MDGA2: variants seen among roughly 807,000 people sequenced by gnomAD.
MDGA2 encodes MAM domain containing glycosylphosphatidylinositol anchor 2, also known as MAM domain-containing glycosylphosphatidylinositol anchor protein 2.
A neutral mutation model predicts 117.8 loss-of-function variants in MDGA2; 40 were observed. The observed-to-expected ratio is 0.34, with a 90% CI of 0.26 to 0.44. The LOEUF is 0.44. MDGA2 is among the 20% of genes least tolerant of loss of function. MDGA2 has a pLI of 1.00. For synonymous variants in MDGA2, 452 were observed against 439.0 expected, an observed-to-expected ratio of 1.03 and a Z score of -0.37; for missense variants, 1,123 against 1,250.6, an observed-to-expected ratio of 0.90 and a Z score of 1.54.
At chr14:47,304,507 A>G (rs1300492595) in intron 1 of MDGA2, among the ~76,000 whole-genome samples, 4 of 152,164 alleles carry the variant, frequency 2.6e-5, no homozygotes, top group African/African-American at 9.6e-5. Flanking sequence ...CATAAACTAG[A>G]TTAAGAATGT....
At chr14:47,597,885 A>ACAC (rs1566533977) in intron 1 of MDGA2, among the ~76,000 whole-genome samples, 76 of 136,412 alleles carry the variant, frequency 5.6e-4, no homozygotes, top group African/African-American at 1.9e-3. Flanking sequence ...CACACACACA[A>ACAC]AACACAGAGT....
At chr14:47,645,252 T>C (rs1897504658) in intron 1 of MDGA2, among the ~76,000 whole-genome samples, 1 of 145,512 alleles carries the variant, frequency 6.9e-6, no homozygotes, top group African/African-American at 2.5e-5. Flanking sequence ...ATTCAATCCT[T>C]TTTTTTTTTT....
At chr14:47,350,558 C>CGTGTGTGTGTGCACGCGTGTGT (rs1365341630) in intron 1 of MDGA2, among the ~76,000 whole-genome samples, 2 of 151,758 alleles carry the variant, frequency 1.3e-5, no homozygotes, top group Non-Finnish European at 2.9e-5. Flanking sequence ...TAACAGACAT[C>CGTGTGTGTGTGCACGCGTGTGT]GTGTGTGTGT....
At chr14:47,211,549 G>T (rs1318364694) in intron 3 of MDGA2, among the ~76,000 whole-genome samples, 1 of 152,150 alleles carries the variant, frequency 6.6e-6, no homozygotes, top group African/African-American at 2.4e-5. Flanking sequence ...TAAAGGTCCT[G>T]CAAGAAAGCC....
intron 5 of MDGA2, among the ~76,000 whole-genome samples, chr14:47,100,047 C>G (rs1358493596): frequency 6.6e-6 from 1 of 151,980 alleles, no homozygotes; most frequent in African/African-American, 2.4e-5. Context: ...TGATTGCATA[C>G]TGCAGAAATA....
intron 1 of MDGA2, among the ~76,000 whole-genome samples, chr14:47,529,023 T>TG (rs1415972669): frequency 6.6e-6 from 1 of 150,942 alleles, no homozygotes; most frequent in African/African-American, 2.4e-5. Flanking sequence ...TTTTTTGAGA[T>TG]GGAGTCTCCC....
At chr14:47,010,155 G>A (rs904694335) in intron 8 of MDGA2, among the ~76,000 whole-genome samples, 3 of 151,938 alleles carry the variant, frequency 2.0e-5, no homozygotes, top group Non-Finnish European at 4.4e-5. Context: ...GTATATTTCT[G>A]ACTTCCTGGA....
At chr14:46,965,023 A>C (rs1254831915) in intron 8 of MDGA2, among the ~76,000 whole-genome samples, 1 of 131,782 alleles carries the variant, frequency 7.6e-6, no homozygotes, top group Admixed American at 8.7e-5. Context: ...TCCCGGGTTC[A>C]CGCCATTCTC....
At chr14:46,942,949 GT>G (rs1217627032) in intron 9 of MDGA2, among the ~76,000 whole-genome samples, 2 of 151,738 alleles carry the variant, frequency 1.3e-5, no homozygotes, top group South Asian at 2.1e-4. Flanking sequence ...TAAAATATTA[GT>G]GTTTTTTATC....
chr14:47,048,338 A>G (rs1459572720), intron 7 of MDGA2, among the ~76,000 whole-genome samples: 1 of 152,132 alleles, frequency 6.6e-6, no homozygotes, highest in African/African-American at 2.4e-5. Flanking sequence ...ATTTTATAAA[A>G]GCATTGAAAA....
intron 1 of MDGA2, among the ~76,000 whole-genome samples, chr14:47,563,521 T>C (rs1431090250): frequency 6.6e-6 from 1 of 150,616 alleles, no homozygotes; most frequent in African/African-American, 2.4e-5. Context: ...AAAAAAATTT[T>C]TGTTGGTTTA....
intron 8 of MDGA2, among the ~76,000 whole-genome samples, chr14:47,003,709 C>G (rs889923069): frequency 6.6e-6 from 1 of 151,802 alleles, no homozygotes; most frequent in Non-Finnish European, 1.5e-5. Context: ...ATATTTTATT[C>G]CAAACCATGG....
chr14:47,392,073 A>G lies in MDGA2; in HGVS notation c.281-90523T>C, dbSNP rs190249951. Among the ~76,000 whole-genome samples, 39 of 152,286 alleles carry G rather than the reference A, an allele frequency of 2.6e-4. No homozygotes were observed. The East Asian group carries it at 6.6e-3, about 26-fold the overall frequency. On this transcript the variant is annotated intron_variant, in intron 1 of 16. Coordinates refer to ENST00000399232, the MANE Select transcript of MDGA2 (RefSeq NM_001113498.3). ...CCCTTTTATCTTATCAAATTTTCAG[A>G]ATTTCAAACTTTTAACACTCAGATC...
chr14:47,344,869 G>C (rs1594808744), intron 1 of MDGA2, among the ~76,000 whole-genome samples: 1 of 137,284 alleles, frequency 7.3e-6, no homozygotes, highest in Middle Eastern at 3.6e-3. Flanking sequence ...CTCTGTGTGT[G>C]TATGAGAGTG....
chr14:47,281,542 T>C lies in MDGA2; in HGVS notation c.420+19869A>G, dbSNP rs572520768. On this transcript the variant is annotated intron_variant, in intron 2 of 16. Transcript: ENST00000399232. ...TTATCAAGAGGCACGTAGAGGTATATACTGTCTGGTTGCACCATTCTTAGG... is the reference window on the plus strand; with the variant it reads ...TTATCAAGAGGCACGTAGAGGTATACACTGTCTGGTTGCACCATTCTTAGG... Among the ~76,000 whole-genome samples the C allele has an allele frequency of 7.0e-4, 107 of 152,332 alleles. 1 individual carries two copies. The highest frequency in any genetic ancestry group is 2.1e-3 in the Admixed American group (32 of 15,302).
At chr14:47,545,426 AAG>A (rs772655854) in intron 1 of MDGA2, among the ~76,000 whole-genome samples, 4 of 152,186 alleles carry the variant, frequency 2.6e-5, no homozygotes, top group Non-Finnish European at 4.4e-5. Context: ...AAAGATTAGA[AAG>A]AGGGGCAGGG....
chr14:47,380,827 T>C (rs990444330), intron 1 of MDGA2, among the ~76,000 whole-genome samples: 1 of 151,860 alleles, frequency 6.6e-6, no homozygotes, highest in African/African-American at 2.4e-5. Flanking sequence ...TTCCAATGAA[T>C]AGAAAAAGAG....
chr14:47,007,955 T>C (rs1887768086), intron 8 of MDGA2, among the ~76,000 whole-genome samples: 1 of 151,900 alleles, frequency 6.6e-6, no homozygotes, highest in African/African-American at 2.4e-5. Context: ...TGTATCGTAA[T>C]GATAAAAATT....
intron 8 of MDGA2, among the ~76,000 whole-genome samples, chr14:46,981,262 G>A (rs2138380995): frequency 6.6e-6 from 1 of 152,084 alleles, no homozygotes; most frequent in East Asian, 1.9e-4. Context: ...AAACTAGCTG[G>A]CTGTGGTGGT....
Sources: allele counts gnomAD v4.1 joint callset (sites outside exome capture counted in the v4.1 genomes callset), GRCh38; gene constraint gnomAD v4.1.1; transcripts MANE v1.5; gene names NCBI Gene and HGNC (gene_info 2026-07-23, HGNC 2026-07-21).